The following POF1B variants were observed in gnomAD, a reference collection of about 807,000 sequenced individuals.
POF1B encodes POF1B actin binding protein.
In POF1B, 53 loss-of-function variants were observed where a neutral mutation model predicts 55.3. That is an observed-to-expected ratio of 0.96 (90% CI 0.77 to 1.20). The LOEUF (loss-of-function observed/expected upper bound fraction) is 1.20, where lower values mean the gene tolerates loss of function less well. Among genes scored for constraint, POF1B ranks in the 50% most tolerant of loss-of-function variants. The pLI is 0.00. For missense variants in POF1B, 478 were observed against 420.5 expected, an observed-to-expected ratio of 1.14 and a Z score of -1.20; for synonymous variants, 188 against 148.3, an observed-to-expected ratio of 1.27 and a Z score of -1.95.
intron 6 of POF1B, among the ~76,000 whole-genome samples, chrX:85,334,546 C>G (rs759056499): frequency 2.7e-5 from 3 of 111,260 alleles, no homozygotes; most frequent in African/African-American, 9.8e-5. Flanking sequence ...GCCAAACAGT[C>G]TAATTCCTTG....
At chrX:85,344,323 A>G (rs183598659) in intron 6 of POF1B, among the ~76,000 whole-genome samples, 208 of 111,498 alleles carry the variant, frequency 1.9e-3, no homozygotes, top group African/African-American at 6.4e-3. Flanking sequence ...ATGCAATATC[A>G]CAATACCATA....
chrX:85,326,597 G>A, intron 7 of POF1B, among the ~76,000 whole-genome samples: 1 of 110,858 alleles, frequency 9.0e-6, no homozygotes, highest in South Asian at 3.9e-4. Context: ...TGGCAGCTGT[G>A]GCACAGGAAG....
At chrX:85,317,557 G>A (rs1392005711) in intron 7 of POF1B, among the ~76,000 whole-genome samples, 1 of 110,384 alleles carries the variant, frequency 9.1e-6, no homozygotes, top group Non-Finnish European at 1.9e-5. Flanking sequence ...ATGCTTGTCA[G>A]CCACATCTAT....
intron 7 of POF1B, among the ~76,000 whole-genome samples, chrX:85,317,036 C>A (rs1460621588): frequency 2.7e-5 from 3 of 110,422 alleles, no homozygotes; most frequent in African/African-American, 9.9e-5. Flanking sequence ...CCGTCCATGT[C>A]CCTGCAAAGA....
At chrX:85,379,119 T>C in intron 2 of POF1B, 54 bp downstream of exon 2, 6 of 1,139,729 alleles carry the variant, frequency 5.3e-6, no homozygotes, top group Non-Finnish European at 7.2e-6. Flanking sequence ...GGAAGAGAAA[T>C]CAGGTTGAAG....
chrX:85,379,094 G>A (rs1933967828), intron 2 of POF1B, 79 bp downstream of exon 2: 1 of 1,068,840 alleles, frequency 9.4e-7, no homozygotes, highest in East Asian at 3.1e-5. Context: ...TGGAATAGAG[G>A]CAAAGAAGCA....
intron 6 of POF1B, among the ~76,000 whole-genome samples, chrX:85,340,894 G>T (rs1161916186): frequency 9.0e-6 from 1 of 110,801 alleles, no homozygotes; most frequent in African/African-American, 3.3e-5. Flanking sequence ...CCAAGCAAAT[G>T]AAAAAAATTA....
intron 4 of POF1B, among the ~76,000 whole-genome samples, chrX:85,358,632 A>G (rs1459657734): frequency 9.0e-6 from 1 of 111,264 alleles, no homozygotes; most frequent in Non-Finnish European, 1.9e-5. Flanking sequence ...CAAAAAGATA[A>G]AAAGGCTTAA....
chrX:85,282,115 T>C (rs753465490), intron 16 of POF1B, 88 bp downstream of exon 16: 1 of 976,548 alleles, frequency 1.0e-6, no homozygotes, highest in East Asian at 3.9e-5. Flanking sequence ...ATACTCAAAG[T>C]TTTTAGTTCA....
At chrX:85,337,083 T>C (rs1229286424) in intron 6 of POF1B, among the ~76,000 whole-genome samples, 1 of 112,008 alleles carries the variant, frequency 8.9e-6, no homozygotes, top group Non-Finnish European at 1.9e-5. Context: ...TCATAGCACC[T>C]TGGTTGAAAA....
chrX:85,313,388 G>A (rs180764492), intron 9 of POF1B, among the ~76,000 whole-genome samples: 60 of 111,598 alleles, frequency 5.4e-4, no homozygotes, highest in African/African-American at 1.5e-3. Context: ...AGCATGAAGC[G>A]GTGTTGAATT....
At chrX:85,357,324 C>T (rs1933520933) in intron 4 of POF1B, among the ~76,000 whole-genome samples, 1 of 111,205 alleles carries the variant, frequency 9.0e-6, no homozygotes, top group African/African-American at 3.3e-5. Flanking sequence ...CATCTTTAGC[C>T]TTCCTTATTA....
At chrX:85,333,590 AC>A (rs1431858767) in intron 6 of POF1B, among the ~76,000 whole-genome samples, 4 of 110,941 alleles carry the variant, frequency 3.6e-5, no homozygotes, top group African/African-American at 1.3e-4. Context: ...GCCTCCAACA[AC>A]AACAACAACA....
chrX:85,319,609 C>T (rs755055899), intron 7 of POF1B, among the ~76,000 whole-genome samples: 68 of 110,976 alleles, frequency 6.1e-4, no homozygotes, highest in African/African-American at 2.1e-3. Flanking sequence ...AAACCTTTTC[C>T]GTATCTATCG....
rs199928199 is a variant in POF1B at position 85,368,121 on chromosome X, ATTTG to A, written c.283-359_283-356del. Among the ~76,000 whole-genome samples the A allele has an allele frequency of 2.8e-3, 311 of 111,897 alleles. 4 individuals carry two copies. The East Asian group carries it at 0.034, about 12-fold the overall frequency. On this transcript the variant is annotated intron_variant, in intron 2 of 16. Coordinates refer to ENST00000262753, the MANE Select transcript of POF1B (RefSeq NM_024921.4). ...TTACAAACAAAACTTTTCTTTCAGT[ATTTG>A]TTCTATTTCTTTTTTAAAATTCTTA...
chrX:85,339,847 T>G (rs1178626988), intron 6 of POF1B, among the ~76,000 whole-genome samples: 2 of 111,265 alleles, frequency 1.8e-5, no homozygotes, highest in Non-Finnish European at 3.8e-5. Context: ...AGAAAAAATT[T>G]TCAGTAAAGT....
At chrX:85,369,943 A>G (rs1420036141) in intron 2 of POF1B, among the ~76,000 whole-genome samples, 1 of 112,160 alleles carries the variant, frequency 8.9e-6, no homozygotes, top group South Asian at 3.6e-4. Flanking sequence ...GAAGACAACT[A>G]TACACATGGT....
chrX:85,313,096 A>G (rs1932746909), intron 9 of POF1B, among the ~76,000 whole-genome samples: 1 of 111,809 alleles, frequency 8.9e-6, no homozygotes, highest in Non-Finnish European at 1.9e-5. Flanking sequence ...GGGGTTTTCT[A>G]AATATACAAT....
At chrX:85,327,507 T>C (rs1932910243) in intron 7 of POF1B, among the ~76,000 whole-genome samples, 1 of 111,863 alleles carries the variant, frequency 8.9e-6, no homozygotes, top group Admixed American at 9.5e-5. Flanking sequence ...GGTTCCCTTT[T>C]CCAAGGCATG....
Sources: allele counts gnomAD v4.1 joint callset (sites outside exome capture counted in the v4.1 genomes callset), GRCh38; gene constraint gnomAD v4.1.1; transcripts MANE v1.5; gene names NCBI Gene and HGNC (gene_info 2026-07-23, HGNC 2026-07-21).